NSMCE2: variants seen among roughly 807,000 people sequenced by gnomAD.
NSMCE2 encodes the protein E3 SUMO-protein ligase NSE2.
In NSMCE2, 24 loss-of-function variants were observed where a neutral mutation model predicts 23.8. The observed-to-expected ratio is 1.01, with a 90% CI of 0.73 to 1.42. The LOEUF is 1.42. Among genes scored for constraint, NSMCE2 ranks in the 40% most tolerant of loss-of-function variants. The probability of loss-of-function intolerance (pLI) is 0.00; values close to 1 mark genes in which losing one functional copy is unlikely to be tolerated. For synonymous variants in NSMCE2, 92 were observed against 94.1 expected (o/e 0.98, Z 0.13); for missense variants, 284 against 296.5 (o/e 0.96, Z 0.31).
intron 5 of NSMCE2, among the ~76,000 whole-genome samples, chr8:125,257,613 A>G (rs1017354070): frequency 1.1e-4 from 15 of 142,680 alleles, no homozygotes; most frequent in African/African-American, 3.7e-4. Context: ...AGCTCACTGC[A>G]AGCTCCGCCT....
At chr8:125,190,689 G>T (rs1029639070) in intron 5 of NSMCE2, among the ~76,000 whole-genome samples, 2 of 152,074 alleles carry the variant, frequency 1.3e-5, no homozygotes, top group Non-Finnish European at 2.9e-5. Context: ...CATCTACTCT[G>T]CATTCATCTT....
At chr8:125,130,043 G>A (rs1054158546) in intron 3 of NSMCE2, among the ~76,000 whole-genome samples, 3 of 152,082 alleles carry the variant, frequency 2.0e-5, no homozygotes, top group Admixed American at 2.0e-4. Context: ...ATCCAATCCA[G>A]GATATCACAT....
chr8:125,098,618 G>A (rs956030533), intron 1 of NSMCE2, among the ~76,000 whole-genome samples: 1 of 152,110 alleles, frequency 6.6e-6, no homozygotes, highest in Non-Finnish European at 1.5e-5. Context: ...GGTGAGAGTG[G>A]TTGGATTCTG....
chr8:125,358,614 C>T (rs1268723630), intron 7 of NSMCE2, among the ~76,000 whole-genome samples: 4 of 152,098 alleles, frequency 2.6e-5, no homozygotes, highest in East Asian at 3.9e-4. Context: ...GACTGACTGG[C>T]ATTGACTTCG....
At chr8:125,282,759 G>A (rs1030885739) in intron 5 of NSMCE2, among the ~76,000 whole-genome samples, 21 of 152,354 alleles carry the variant, frequency 1.4e-4, no homozygotes, top group African/African-American at 3.4e-4. Flanking sequence ...TCCCTTCAAA[G>A]TATCTGTTGA....
chr8:125,130,657 G>C (rs1282722735), intron 3 of NSMCE2, among the ~76,000 whole-genome samples: 1 of 152,166 alleles, frequency 6.6e-6, no homozygotes, highest in Non-Finnish European at 1.5e-5. Flanking sequence ...TCAGCAGACA[G>C]AGCTAGGAAA....
intron 5 of NSMCE2, among the ~76,000 whole-genome samples, chr8:125,258,672 A>G (rs531033945): frequency 6.6e-6 from 1 of 152,326 alleles, no homozygotes; most frequent in Non-Finnish European, 1.5e-5. Context: ...GGGACTCAAG[A>G]ATGAGAAAAG....
At chr8:125,296,852 G>A (rs1356865772) in intron 5 of NSMCE2, among the ~76,000 whole-genome samples, 1 of 152,174 alleles carries the variant, frequency 6.6e-6, no homozygotes, top group African/African-American at 2.4e-5. Context: ...GAATAAAAAT[G>A]AATCAGAGAA....
intron 5 of NSMCE2, among the ~76,000 whole-genome samples, chr8:125,310,614 A>C (rs1015319920): frequency 6.6e-6 from 1 of 152,052 alleles, no homozygotes; most frequent in Non-Finnish European, 1.5e-5. Flanking sequence ...TGTCTTCTGC[A>C]TACCTGCAAG....
At chr8:125,222,301 A>G (rs1028594565) in intron 5 of NSMCE2, among the ~76,000 whole-genome samples, 2 of 152,190 alleles carry the variant, frequency 1.3e-5, no homozygotes, top group East Asian at 3.8e-4. Flanking sequence ...TGATATATGT[A>G]TACCTTGCAG....
At chr8:125,100,647 C>T (rs1329131837) in intron 1 of NSMCE2, among the ~76,000 whole-genome samples, 1 of 152,072 alleles carries the variant, frequency 6.6e-6, no homozygotes, top group African/African-American at 2.4e-5. Flanking sequence ...CTGCAACCTC[C>T]GCCTCCCAGG....
intron 3 of NSMCE2, among the ~76,000 whole-genome samples, chr8:125,147,648 G>C (rs894725936): frequency 6.6e-6 from 1 of 152,162 alleles, no homozygotes; most frequent in Non-Finnish European, 1.5e-5. Flanking sequence ...TTCAGTGAAA[G>C]AGTGGGAGAA....
At position 125,250,915 on chromosome 8, in the gene NSMCE2, A is replaced by G. The variant is rs550619908; in HGVS notation, c.418+68659A>G. Among the ~76,000 whole-genome samples, 3 of 152,358 alleles carry G rather than the reference A, an allele frequency of 2.0e-5. No individual in the cohort carries two copies. The South Asian group carries it at 6.2e-4, about 32-fold the overall frequency. ...TAATAATGTTGATTATAACATTAGT[A>G]TTAACCTACATTCACTAAATCTTTA... On this transcript the variant is annotated intron_variant, in intron 5 of 7. Transcript: ENST00000287437.
intron 5 of NSMCE2, among the ~76,000 whole-genome samples, chr8:125,239,124 G>A (rs949819872): frequency 1.3e-5 from 2 of 152,082 alleles, no homozygotes; most frequent in Admixed American, 1.3e-4. Flanking sequence ...GGCAAGGTTG[G>A]TTTCATGGAC....
intron 5 of NSMCE2, among the ~76,000 whole-genome samples, chr8:125,241,211 T>G (rs11998130): frequency 0.025 from 3,738 of 152,310 alleles, 144 homozygotes; most frequent in African/African-American, 0.085. Context: ...TTAAGGATAC[T>G]GAACCTGAAT....
In NSMCE2 at chr8:125,094,999, G is replaced by A. The variant is rs892399923; in HGVS notation, c.-111+3041G>A. Among the ~76,000 whole-genome samples the A allele has an allele frequency of 4.6e-5, 7 of 152,216 alleles. 1 individual carries two copies. The highest frequency in any genetic ancestry group is 1.3e-4 in the Admixed American group (2 of 15,296). On this transcript the variant is annotated intron_variant, in intron 1 of 7. Transcript: ENST00000287437. ...CCTGAGGAGCTGGGGCTGCAGGCCC[G>A]CACCACCACATCCAGCTAATTTTTT... is the stretch of plus-strand genomic sequence containing the variant.
At chr8:125,208,033 T>C (rs1334705543) in intron 5 of NSMCE2, among the ~76,000 whole-genome samples, 1 of 152,236 alleles carries the variant, frequency 6.6e-6, no homozygotes, top group Non-Finnish European at 1.5e-5. Flanking sequence ...TAGAAAATAC[T>C]GTGGCCAGAT....
chr8:125,114,683 G>A (rs935883514), intron 3 of NSMCE2, among the ~76,000 whole-genome samples: 4 of 152,188 alleles, frequency 2.6e-5, no homozygotes, highest in Admixed American at 2.6e-4. Flanking sequence ...GAATGGGACA[G>A]CCCCTGCACA....
At chr8:125,347,869 A>G (rs1812845567) in intron 5 of NSMCE2, among the ~76,000 whole-genome samples, 1 of 152,232 alleles carries the variant, frequency 6.6e-6, no homozygotes, top group Non-Finnish European at 1.5e-5. Flanking sequence ...AAGGAGGAAG[A>G]ACATTGATCA....
Sources: gnomAD v4.1 joint callset for allele counts (sites outside exome capture counted in the v4.1 genomes callset) on GRCh38, gnomAD v4.1.1 for gene constraint, MANE v1.5 for transcripts, NCBI Gene and HGNC (gene_info 2026-07-23, HGNC 2026-07-21) for gene names.